ATP10B: variants seen among roughly 807,000 people sequenced by gnomAD.
ATP10B encodes the protein phospholipid-transporting ATPase VB.
ATP10B carries 122 observed loss-of-function variants against 141.2 expected under a neutral mutation model. The observed-to-expected ratio is 0.86, with a 90% CI of 0.75 to 1.00. ATP10B has a LOEUF of 1.00. Ranked by LOEUF, ATP10B falls within the 50% of genes least tolerant of loss-of-function variation. The pLI is 0.00. For missense variants in ATP10B, 1,876 were observed against 1,825.3 expected (o/e 1.03, Z -0.51); for synonymous variants, 685 against 692.0 (o/e 0.99, Z 0.16).
At chr5:160,746,940 A>G (rs562345514) in intron 2 of ATP10B, among the ~76,000 whole-genome samples, 8 of 152,320 alleles carry the variant, frequency 5.3e-5, no homozygotes, top group Non-Finnish European at 5.9e-5. Context: ...TGGCAAATTG[A>G]CTGCCCATGG....
intron 1 of ATP10B, among the ~76,000 whole-genome samples, chr5:160,825,003 G>A (rs1036997509): frequency 6.6e-6 from 1 of 151,928 alleles, no homozygotes; most frequent in African/African-American, 2.4e-5. Flanking sequence ...CTAGCTTTAT[G>A]CTTTGCATTA....
At chr5:160,575,479 C>CT (rs1414280630) in intron 24 of ATP10B, among the ~76,000 whole-genome samples, 5 of 152,010 alleles carry the variant, frequency 3.3e-5, no homozygotes, top group African/African-American at 1.2e-4. Context: ...CTGATGTTTC[C>CT]TTATGAGCAT....
At chr5:160,648,926 G>GC (rs1760492995) in intron 8 of ATP10B, among the ~76,000 whole-genome samples, 1 of 131,082 alleles carries the variant, frequency 7.6e-6, no homozygotes, top group Non-Finnish European at 1.6e-5. Context: ...TTTTACTAAG[G>GC]TTTTTTTTTT....
intron 1 of ATP10B, among the ~76,000 whole-genome samples, chr5:160,786,071 T>C (rs1178755019): frequency 6.6e-6 from 1 of 152,188 alleles, no homozygotes; most frequent in Non-Finnish European, 1.5e-5. Context: ...AATTGCTCCA[T>C]GAAATGTGTG....
the ATP10B span, among the ~76,000 whole-genome samples, chr5:160,890,046 T>A: frequency 6.6e-6 from 1 of 152,206 alleles, no homozygotes; most frequent in African/African-American, 2.4e-5. Flanking sequence ...CTCCTGGCAA[T>A]GTGGTGCTTT....
intron 1 of ATP10B, among the ~76,000 whole-genome samples, chr5:160,851,145 A>AC (rs1186766453): frequency 6.6e-6 from 1 of 152,212 alleles, no homozygotes; most frequent in Non-Finnish European, 1.5e-5. Context: ...TCCTCTGCCT[A>AC]CCTGGCAAAT....
chr5:160,640,832 C>T (rs1759803967), intron 9 of ATP10B, among the ~76,000 whole-genome samples: 1 of 152,212 alleles, frequency 6.6e-6, no homozygotes, highest in African/African-American at 2.4e-5. Flanking sequence ...ACTGAGAGAG[C>T]TCCCATGCAC....
chr5:160,725,334 C>T (rs1766263893), intron 2 of ATP10B, among the ~76,000 whole-genome samples: 1 of 152,178 alleles, frequency 6.6e-6, no homozygotes, highest in Admixed American at 6.5e-5. Flanking sequence ...CTAAGAATGT[C>T]TGTGACTTGG....
intron 2 of ATP10B, among the ~76,000 whole-genome samples, chr5:160,766,419 A>AC (rs1338001916): frequency 6.6e-6 from 1 of 152,044 alleles, no homozygotes; most frequent in Non-Finnish European, 1.5e-5. Context: ...AGCCATAAAA[A>AC]GGAATGAAGC....
chr5:160,591,950 C>T (rs1324957947), intron 22 of ATP10B, among the ~76,000 whole-genome samples: 1 of 152,180 alleles, frequency 6.6e-6, no homozygotes, highest in Non-Finnish European at 1.5e-5. Context: ...ATCTCAAATA[C>T]TACACTTGGC....
intron 3 of ATP10B, among the ~76,000 whole-genome samples, chr5:160,706,654 C>T (rs935474624): frequency 1.3e-5 from 2 of 152,108 alleles, no homozygotes; most frequent in East Asian, 1.9e-4. Flanking sequence ...TTCAGGTTTA[C>T]AGAAAAATTG....
intron 6 of ATP10B, among the ~76,000 whole-genome samples, chr5:160,680,974 G>C (rs551010652): frequency 4.6e-5 from 7 of 152,308 alleles, no homozygotes; most frequent in African/African-American, 1.7e-4. Context: ...TCGTTGCCAT[G>C]AGAGAAGTCT....
At chr5:160,650,002 G>T (rs888876817) in intron 7 of ATP10B, among the ~76,000 whole-genome samples, 1 of 151,664 alleles carries the variant, frequency 6.6e-6, no homozygotes, top group Non-Finnish European at 1.5e-5. Flanking sequence ...TCAGCTACTC[G>T]GGAGGCTGAG....
At chr5:160,729,891 A>C (rs573057174) in intron 2 of ATP10B, among the ~76,000 whole-genome samples, 1 of 152,122 alleles carries the variant, frequency 6.6e-6, no homozygotes, top group African/African-American at 2.4e-5. Context: ...AAGGCATTTT[A>C]ATCTTACTTG....
Position 160,828,753 on chromosome 5 carries a change from C to A in ATP10B, c.-576+23188G>T, listed in dbSNP as rs559455820. 1.0e-3 allele frequency among the ~76,000 whole-genome samples: 152 copies of A among 152,020 alleles called. 1 individual carries two copies. Among genetic ancestry groups the A allele is most frequent in the African/African-American group, 3.6e-3 (148 of 41,428 alleles). ...AATCATGCTGCTATAAAGACACATG[C>A]ACACGTATGTTTATTGCGGCACTAT... On this transcript the variant is annotated intron_variant, in intron 1 of 25. Transcript: ENST00000327245.
At chr5:160,837,912 G>A (rs1775558215) in intron 1 of ATP10B, among the ~76,000 whole-genome samples, 1 of 152,088 alleles carries the variant, frequency 6.6e-6, no homozygotes, top group African/African-American at 2.4e-5. Flanking sequence ...AGAAGTTTGA[G>A]CAAATTTATT....
intron 9 of ATP10B, among the ~76,000 whole-genome samples, chr5:160,642,749 A>G (rs965917731): frequency 6.6e-6 from 1 of 152,216 alleles, no homozygotes; most frequent in Admixed American, 6.5e-5. Context: ...CTTTTCACAG[A>G]TAATCTCATT....
chr5:160,708,486 C>T (rs186505153), intron 3 of ATP10B, among the ~76,000 whole-genome samples: 1 of 152,278 alleles, frequency 6.6e-6, no homozygotes, highest in African/African-American at 2.4e-5. Flanking sequence ...TGTTCTCTAT[C>T]ACAAATGCTT....
At chr5:160,779,800 C>G (rs1770596508) in intron 2 of ATP10B, among the ~76,000 whole-genome samples, 1 of 152,136 alleles carries the variant, frequency 6.6e-6, no homozygotes, top group Admixed American at 6.5e-5. Flanking sequence ...AATAAAGTAG[C>G]TTGCAAGTAC....
Sources: gnomAD v4.1 joint callset for allele counts (sites outside exome capture counted in the v4.1 genomes callset) on GRCh38, gnomAD v4.1.1 for gene constraint, MANE v1.5 for transcripts, NCBI Gene and HGNC (gene_info 2026-07-23, HGNC 2026-07-21) for gene names.